Variants in PTPRA observed in about 807,000 individuals in gnomAD.
The protein encoded by PTPRA is protein tyrosine phosphatase receptor type A.
PTPRA carries 25 observed loss-of-function variants against 104.8 expected under a neutral mutation model. The ratio of observed to expected loss-of-function variants is 0.24; its 90% CI spans 0.17 to 0.33. The LOEUF is 0.33. Ranked by LOEUF, PTPRA falls within the 10% of genes least tolerant of loss-of-function variation. PTPRA has a pLI of 1.00. For synonymous variants in PTPRA, 323 were observed against 368.9 expected (o/e 0.88, Z 1.43); for missense variants, 765 against 1,015.3 (o/e 0.75, Z 3.35).
chr20:2,904,272 T>TCA (rs2059337185), intron 1 of PTPRA, among the ~76,000 whole-genome samples: 1 of 152,108 alleles, frequency 6.6e-6, no homozygotes, highest in South Asian at 2.1e-4. Context: ...TTTTTAAAAT[T>TCA]TTTAAATGAT....
the PTPRA span, chr20:2,865,582 C>T: frequency 2.0e-5 from 25 of 1,231,324 alleles, no homozygotes; most frequent in Middle Eastern, 2.0e-4. This position sits in a 1 kb window ranked among gnomAD's most constrained non-coding sequence, Gnocchi z 5.2. Context: ...TAGGATGGCC[C>T]GTTCATGCTC....
intron 12 of PTPRA, among the ~76,000 whole-genome samples, chr20:3,016,506 G>A (rs1037315797): frequency 3.3e-5 from 5 of 152,208 alleles, no homozygotes; most frequent in African/African-American, 1.2e-4. Context: ...CTAACACTTT[G>A]GGAGGCCAAG....
chr20:2,867,476 CCG>C, the PTPRA span, among the ~76,000 whole-genome samples: 6 of 105,732 alleles, frequency 5.7e-5, no homozygotes, highest in Admixed American at 2.0e-4. Flanking sequence ...ATCTAGCCTT[CCG>C]TTGGCACTCC....
chr20:2,955,800 T>TAG, intron 3 of PTPRA: 1 of 494,194 alleles, frequency 2.0e-6, no homozygotes, highest in Non-Finnish European at 2.6e-6. Context: ...TTGTCACTCA[T>TAG]AGAGCTGTCT....
chr20:2,890,429 T>C (rs1404628530), intron 1 of PTPRA, among the ~76,000 whole-genome samples: 1 of 152,204 alleles, frequency 6.6e-6, no homozygotes, highest in East Asian at 1.9e-4. Context: ...TAGTACTCTA[T>C]GTATTTGTTT....
intron 5 of PTPRA, among the ~76,000 whole-genome samples, chr20:2,974,745 A>G (rs752849145): frequency 5.9e-5 from 9 of 152,074 alleles, no homozygotes; most frequent in Non-Finnish European, 1.0e-4. Flanking sequence ...TTCTAATTTT[A>G]TTGCATTGGG....
At chr20:2,922,590 C>T (rs1176437222) in intron 1 of PTPRA, among the ~76,000 whole-genome samples, 2 of 152,052 alleles carry the variant, frequency 1.3e-5, no homozygotes, top group Admixed American at 6.6e-5. Context: ...GATCCGCCTG[C>T]CTCGGCCTCC....
At chr20:2,907,393 TTC>T (rs1243911238) in intron 1 of PTPRA, among the ~76,000 whole-genome samples, 84 of 152,274 alleles carry the variant, frequency 5.5e-4, no homozygotes, top group African/African-American at 1.9e-3. Context: ...GTTATTCAGC[TTC>T]TGTTTCTGAC....
chr20:2,953,166 C>A (rs1600164260), intron 3 of PTPRA, among the ~76,000 whole-genome samples: 2 of 152,258 alleles, frequency 1.3e-5, no homozygotes, highest in East Asian at 3.9e-4. Context: ...TACATTCCAA[C>A]CAGCAGTGTT....
intron 2 of PTPRA, among the ~76,000 whole-genome samples, chr20:2,928,679 T>C (rs1303921026): frequency 6.6e-6 from 1 of 152,160 alleles, no homozygotes; most frequent in Non-Finnish European, 1.5e-5. Flanking sequence ...TCTCCATTTT[T>C]TGGTTCTTTT....
At chr20:3,003,186 T>C (rs1464924658) in intron 9 of PTPRA, among the ~76,000 whole-genome samples, 1 of 152,220 alleles carries the variant, frequency 6.6e-6, no homozygotes, top group African/African-American at 2.4e-5. Flanking sequence ...CAAGTTTATA[T>C]TGTCCTTGAG....
At chr20:2,921,304 T>G (rs1273559737) in intron 1 of PTPRA, among the ~76,000 whole-genome samples, 1 of 150,380 alleles carries the variant, frequency 6.6e-6, no homozygotes, top group African/African-American at 2.4e-5. Flanking sequence ...TTTTATTTCC[T>G]TAGTACCTGG....
intron 3 of PTPRA, among the ~76,000 whole-genome samples, chr20:2,958,527 C>T (rs1218572117): frequency 6.6e-6 from 1 of 151,652 alleles, no homozygotes; most frequent in Non-Finnish European, 1.5e-5. Flanking sequence ...CTTTCAAGAA[C>T]AGGGACTGTT....
intron 5 of PTPRA, among the ~76,000 whole-genome samples, chr20:2,966,442 A>G (rs1245179345): frequency 6.6e-6 from 1 of 152,218 alleles, no homozygotes; most frequent in Admixed American, 6.5e-5. Flanking sequence ...GGTAAGCACT[A>G]TTTTTAAGTG....
intron 2 of PTPRA, among the ~76,000 whole-genome samples, chr20:2,934,769 T>G (rs959427121): frequency 4.6e-5 from 7 of 151,466 alleles, no homozygotes; most frequent in Middle Eastern, 6.8e-3. Flanking sequence ...ACTCCCTGAT[T>G]CGAGCAATTC....
intron 9 of PTPRA, among the ~76,000 whole-genome samples, chr20:3,001,380 G>T (rs1398201113): frequency 6.6e-6 from 1 of 152,208 alleles, no homozygotes; most frequent in East Asian, 1.9e-4. Flanking sequence ...TATCATGACT[G>T]AGGGAGCTAG....
In PTPRA at chr20:3,037,150, G is replaced by A; in HGVS notation, c.2199-4G>A. 6.2e-7 allele frequency: 1 copy of A among 1,613,692 alleles called. No homozygotes were observed. The highest frequency in any genetic ancestry group is 8.5e-7 in the Non-Finnish European group (1 of 1,179,750). Reference sequence around the variant, plus strand: ...GTGTGGTAAATGTGTCTGCTCTGTTGCAGCGCCGGGGCAGGAAGGACGGGG... The same window carrying A: ...GTGTGGTAAATGTGTCTGCTCTGTTACAGCGCCGGGGCAGGAAGGACGGGG... On this transcript the variant is annotated splice_polypyrimidine_tract_variant and splice_region_variant and intron_variant, in intron 22 of 23. Transcript: ENST00000399903. The surrounding 1 kb of genome is among the most constrained non-coding windows in gnomAD (Gnocchi z 4.3).
chr20:2,887,480 G>T (rs1350087098), intron 1 of PTPRA, among the ~76,000 whole-genome samples: 1 of 152,100 alleles, frequency 6.6e-6, no homozygotes. Context: ...TGATAGGGAT[G>T]GAGATACATG....
At chr20:2,998,311 C>T (rs1355365407) in intron 9 of PTPRA, among the ~76,000 whole-genome samples, 1 of 152,106 alleles carries the variant, frequency 6.6e-6, no homozygotes, top group East Asian at 1.9e-4. Context: ...CAGGACCTCA[C>T]ATCTCTTAGA....
Sources: allele counts gnomAD v4.1 joint callset (sites outside exome capture counted in the v4.1 genomes callset), GRCh38; gene constraint gnomAD v4.1.1; non-coding constraint Gnocchi (gnomAD v3.1); transcripts MANE v1.5; gene names NCBI Gene and HGNC (gene_info 2026-07-23, HGNC 2026-07-21).